The following IGSF11 variants were observed in gnomAD, a reference collection of about 807,000 sequenced individuals.
The protein encoded by IGSF11 is immunoglobulin superfamily member 11.
A neutral mutation model predicts 41.0 loss-of-function variants in IGSF11; 22 were observed. That is an observed-to-expected ratio of 0.54 (90% CI 0.38 to 0.77). The LOEUF (loss-of-function observed/expected upper bound fraction) is 0.77, where lower values mean the gene tolerates loss of function less well. Ranked by LOEUF, IGSF11 falls within the 30% of genes least tolerant of loss-of-function variation. The probability of loss-of-function intolerance (pLI) is 0.00; values close to 1 mark genes in which losing one functional copy is unlikely to be tolerated. For missense variants in IGSF11, 444 were observed against 530.8 expected, an observed-to-expected ratio of 0.84 and a Z score of 1.61; for synonymous variants, 219 against 201.3, an observed-to-expected ratio of 1.09 and a Z score of -0.74.
intron 1 of IGSF11, among the ~76,000 whole-genome samples, chr3:118,999,717 A>G (rs972798789): frequency 2.6e-5 from 4 of 152,216 alleles, no homozygotes; most frequent in Non-Finnish European, 5.9e-5. Context: ...AATAAACTTC[A>G]TAACACTACT....
chr3:119,121,249 A>G (rs2077330325), intron 1 of IGSF11, among the ~76,000 whole-genome samples: 1 of 152,224 alleles, frequency 6.6e-6, no homozygotes, highest in African/African-American at 2.4e-5. Context: ...TTTAGCAGAA[A>G]AAGATGTTAA....
chr3:119,063,484 G>T (rs988355976), intron 1 of IGSF11, among the ~76,000 whole-genome samples: 18 of 151,800 alleles, frequency 1.2e-4, no homozygotes, highest in African/African-American at 4.4e-4. Flanking sequence ...GTTTTGTTTT[G>T]TTTTTGTGCA....
intron 1 of IGSF11, among the ~76,000 whole-genome samples, chr3:119,029,755 A>G (rs906870029): frequency 1.1e-4 from 17 of 152,346 alleles, no homozygotes; most frequent in Admixed American, 7.8e-4. Flanking sequence ...GGGATCTTCA[A>G]TAGACTTTGG....
chr3:119,122,201 C>T (rs2077342440), intron 1 of IGSF11, among the ~76,000 whole-genome samples: 1 of 152,228 alleles, frequency 6.6e-6, no homozygotes, highest in Non-Finnish European at 1.5e-5. Context: ...TTCCCAAACT[C>T]CTGGCAGCAG....
intron 1 of IGSF11, among the ~76,000 whole-genome samples, chr3:119,017,776 C>CTTTTTT (rs567222914): frequency 7.0e-5 from 7 of 100,250 alleles, no homozygotes; most frequent in African/African-American, 7.9e-5. Context: ...GTTTGTTTTA[C>CTTTTTT]TTTTTTTTTT....
intron 4 of IGSF11, among the ~76,000 whole-genome samples, chr3:118,917,185 A>G (rs1941221904): frequency 6.8e-6 from 1 of 147,616 alleles, no homozygotes; most frequent in African/African-American, 2.5e-5. Context: ...CCCTAACATC[A>G]CAATTAAAAG....
intron 1 of IGSF11, among the ~76,000 whole-genome samples, chr3:119,004,221 T>A (rs2107678566): frequency 6.6e-6 from 1 of 151,386 alleles, no homozygotes; most frequent in East Asian, 1.9e-4. Flanking sequence ...AATGTATCCA[T>A]TTCTTCTAGA....
intron 3 of IGSF11, among the ~76,000 whole-genome samples, chr3:118,928,058 T>C (rs1053354973): frequency 3.3e-5 from 5 of 152,226 alleles, no homozygotes; most frequent in Admixed American, 3.3e-4. Flanking sequence ...ATTACAATTA[T>C]GCCAGGACAA....
At chr3:119,014,268 T>C (rs933426094) in intron 1 of IGSF11, among the ~76,000 whole-genome samples, 3 of 152,234 alleles carry the variant, frequency 2.0e-5, no homozygotes, top group African/African-American at 4.8e-5. Context: ...CTGTTACATC[T>C]TACCCAGTCT....
intron 1 of IGSF11, among the ~76,000 whole-genome samples, chr3:118,989,714 GCTAT>G (rs1935608346): frequency 1.3e-5 from 2 of 152,088 alleles, no homozygotes; most frequent in Admixed American, 1.3e-4. Context: ...TTTAAATGAG[GCTAT>G]CTTATGTTTT....
chr3:119,055,828 A>T (rs531828987), intron 1 of IGSF11, among the ~76,000 whole-genome samples: 3 of 152,070 alleles, frequency 2.0e-5, no homozygotes, highest in African/African-American at 4.8e-5. Flanking sequence ...CACTCAAAAC[A>T]GCTCAACTAC....
intron 1 of IGSF11, among the ~76,000 whole-genome samples, chr3:119,009,036 T>C (rs1480278010): frequency 1.3e-5 from 2 of 152,114 alleles, no homozygotes; most frequent in African/African-American, 4.8e-5. Flanking sequence ...CTATTACTTG[T>C]AATAAATTTA....
rs1028854590 is a variant in IGSF11, at chr3:119,068,694, G to T, written c.49+36450C>A. On this transcript the variant is annotated intron_variant, in intron 1 of 6. Coordinates refer to the IGSF11 transcript ENST00000354673. ...GTTTTTAGTAAATAATTTATTTACT[G>T]ATCTCTGCCAAACTGCTTTTGAGGA... 7.2e-5 allele frequency among the ~76,000 whole-genome samples: 11 copies of T among 152,026 alleles called. 1 individual carries two copies. The highest frequency in any genetic ancestry group is 2.7e-4 in the African/African-American group (11 of 41,378).
At chr3:119,006,505 G>A (rs1325020661) in intron 1 of IGSF11, among the ~76,000 whole-genome samples, 3 of 131,150 alleles carry the variant, frequency 2.3e-5, no homozygotes, top group Non-Finnish European at 4.7e-5. Context: ...CGTTGCTGCT[G>A]AGGAACTGCG....
intron 1 of IGSF11, among the ~76,000 whole-genome samples, chr3:118,965,792 G>A (rs962875774): frequency 6.6e-6 from 1 of 152,078 alleles, no homozygotes; most frequent in Non-Finnish European, 1.5e-5. Flanking sequence ...CCTGCAAAAT[G>A]TATGTTATGT....
Position 119,041,189 on chromosome 3 carries a change from T to C in IGSF11, c.49+63955A>G, listed in dbSNP as rs375125280. Among the ~76,000 whole-genome samples the C allele has an allele frequency of 1.6e-4, 24 of 152,274 alleles. No homozygotes were observed. The South Asian group carries it at 5.0e-3, about 32-fold the overall frequency. ...TTTAACAAATATATAATACAGAAGA[T>C]TGACACAGTCAAATATTTGCACTTT... On this transcript the variant is annotated intron_variant, in intron 1 of 6. Coordinates refer to the IGSF11 transcript ENST00000354673.
intron 1 of IGSF11, among the ~76,000 whole-genome samples, chr3:119,072,075 A>G (rs2076409269): frequency 6.6e-6 from 1 of 152,222 alleles, no homozygotes; most frequent in Non-Finnish European, 1.5e-5. Context: ...AGAAAAGAAA[A>G]GTTGCCTAAA....
At chr3:119,084,809 C>G (rs1024673390) in intron 1 of IGSF11, among the ~76,000 whole-genome samples, 2 of 152,190 alleles carry the variant, frequency 1.3e-5, no homozygotes, top group Non-Finnish European at 2.9e-5. Context: ...TCCTGAGGAC[C>G]TGGAGGAGGG....
At chr3:118,933,658 G>A (rs936630264) in intron 1 of IGSF11, among the ~76,000 whole-genome samples, 3 of 152,086 alleles carry the variant, frequency 2.0e-5, no homozygotes, top group African/African-American at 7.2e-5. Context: ...AACCCAGGCG[G>A]TTAGTCTATA....
Sources: allele counts gnomAD v4.1 joint callset (sites outside exome capture counted in the v4.1 genomes callset), GRCh38; gene constraint gnomAD v4.1.1; transcripts MANE v1.5; gene names NCBI Gene and HGNC (gene_info 2026-07-23, HGNC 2026-07-21).